The following PNPLA3 variants were observed in gnomAD, a reference collection of about 807,000 sequenced individuals.
PNPLA3 encodes 1-acylglycerol-3-phosphate O-acyltransferase PNPLA3.
In PNPLA3, 42 loss-of-function variants were observed where a neutral mutation model predicts 43.1. The ratio of observed to expected loss-of-function variants is 0.97; its 90% CI spans 0.76 to 1.26. The LOEUF (loss-of-function observed/expected upper bound fraction) is 1.26. PNPLA3 is among the 50% of genes most tolerant of loss of function. The pLI is 0.00. For synonymous variants in PNPLA3, 272 were observed against 253.6 expected (o/e 1.07, Z -0.69); for missense variants, 647 against 621.4 (o/e 1.04, Z -0.44).
Position 43,927,080 on chromosome 22 carries a change from C to T in PNPLA3, c.333C>T (p.Ser111=), listed in dbSNP as rs749684264. 5.8e-5 allele frequency: 94 copies of T among 1,614,116 alleles called. No homozygotes were observed. The highest frequency in any genetic ancestry group is 1.6e-4 in the Middle Eastern group (1 of 6,084). ...CGGCCAATGTCCACCAGCTCATCTCCGGCAAAATAGGCATCTCTCTTACCA... is the reference window on the plus strand; with the variant it reads ...CGGCCAATGTCCACCAGCTCATCTCTGGCAAAATAGGCATCTCTCTTACCA... ...CLPANVHQLI[S]GKIGISLTRV... is the part of the protein sequence containing the mutation. The change falls in exon 2 of 9, where the codon TCC becomes TCT. Residue 111 remains serine, a synonymous_variant. Transcript: ENST00000216180.
chr22:43,946,127 TAA>T, intron 8 of PNPLA3, 25 bp from the exon 9 acceptor site: 1 of 1,607,502 alleles, frequency 6.2e-7, no homozygotes, highest in Non-Finnish European at 8.5e-7. Flanking sequence ...GAACGGCCTC[TAA>T]GCCAACTTCC....
intron 6 of PNPLA3, chr22:43,939,362 T>C: frequency 1.0e-6 from 1 of 975,730 alleles, no homozygotes; most frequent in Non-Finnish European, 1.2e-6. Context: ...GGACATGTCT[T>C]TTCAAGGAAA....
intron 7 of PNPLA3, 93 bp downstream of exon 7, chr22:43,940,218 T>C (rs1010023): frequency 0.19 from 269,098 of 1,409,400 alleles, 29,535 homozygotes; most frequent in Admixed American, 0.45. Flanking sequence ...GTCTGGGACC[T>C]GGATTGTCGT....
At chr22:43,937,805 G>A (rs1041993048) in intron 6 of PNPLA3, among the ~76,000 whole-genome samples, 1 of 152,144 alleles carries the variant, frequency 6.6e-6, no homozygotes, top group African/African-American at 2.4e-5. Flanking sequence ...TCCATCGAAT[G>A]GTGCTGTATT....
intron 3 of PNPLA3, among the ~76,000 whole-genome samples, chr22:43,929,495 AG>A (rs1454073500): frequency 6.6e-6 from 1 of 151,016 alleles, no homozygotes; most frequent in African/African-American, 2.4e-5. Context: ...AAAAAAAAAA[AG>A]GTAAATAAAG....
At chr22:43,927,676 G>GGGA (rs1569009410) in intron 2 of PNPLA3, among the ~76,000 whole-genome samples, 1 of 131,362 alleles carries the variant, frequency 7.6e-6, no homozygotes, top group African/African-American at 2.7e-5. Flanking sequence ...GGGGGGCGGG[G>GGGA]TACAGAGTCT....
At chr22:43,924,222 G>T (rs2049906317) in intron 1 of PNPLA3, 124 bp downstream of exon 1, 8 of 1,163,246 alleles carry the variant, frequency 6.9e-6, no homozygotes, top group Admixed American at 4.0e-5. Context: ...ACACGGCGGG[G>T]TGCATCCCGA....
At position 43,946,170 on chromosome 22, in the gene PNPLA3, A is replaced by T; in HGVS notation, c.1234A>T (p.Ser412Cys). The T allele has an allele frequency of 6.2e-7, 1 of 1,613,126 alleles. No homozygotes were observed. ...GTGTTTCAGGTCCCAAATGCCAGTG[A>T]GCAGCCAACAGGCCTCCCCATGCAC... ...LPASRSQMPV[S>C]SQQASPCTPE... Residue 412 changes from serine to cysteine, a missense_variant, in exon 9 of 9, where the codon AGC becomes TGC. Physicochemically the swap from Ser to Cys is moderately radical, Grantham distance 112. Transcript: ENST00000216180.
chr22:43,939,359 T>G, intron 6 of PNPLA3: 1 of 972,626 alleles, frequency 1.0e-6, no homozygotes, highest in African/African-American at 1.8e-5. Flanking sequence ...AATGGACATG[T>G]CTTTTCAAGG....
intron 3 of PNPLA3, among the ~76,000 whole-genome samples, chr22:43,930,317 T>C (rs747095065): frequency 2.6e-5 from 4 of 152,184 alleles, no homozygotes; most frequent in Non-Finnish European, 5.9e-5. Flanking sequence ...CTTGGTTCAC[T>C]GCAGGGCGGC....
In PNPLA3 at chr22:43,930,739, G is replaced by A. The variant is rs545237562; in HGVS notation, c.486+1850G>A. Among the ~76,000 whole-genome samples, 62 of 152,338 alleles carry A rather than the reference G, an allele frequency of 4.1e-4. 1 individual carries two copies. In the South Asian group the frequency reaches 0.011, roughly 27 times the overall value. Reference sequence around the variant, plus strand: ...GCCATGCCAGGGGGATGGAGAAGCCGAAGCAGGAGTGTTTGTTCTGCAGGC... The same window carrying A: ...GCCATGCCAGGGGGATGGAGAAGCCAAAGCAGGAGTGTTTGTTCTGCAGGC... On this transcript the variant is annotated intron_variant, in intron 3 of 8. Transcript: ENST00000216180.
At position 43,923,929 on chromosome 22, in the gene PNPLA3, C is replaced by T; in HGVS notation, c.18C>T (p.Arg6=). Reference sequence around the variant, plus strand: ...CCGCCGCCATGTACGACGCAGAGCGCGGCTGGAGCTTGTCCTTCGCGGGCT... The same window carrying T: ...CCGCCGCCATGTACGACGCAGAGCGTGGCTGGAGCTTGTCCTTCGCGGGCT... MYDAE[R]GWSLSFAGCG... is the part of the protein sequence containing the mutation. The change falls in exon 1 of 9, where the codon CGC becomes CGT. Residue 6 remains arginine, a synonymous_variant. Transcript: ENST00000216180. The T allele has an allele frequency of 6.4e-7, 1 of 1,574,342 alleles. No homozygotes were observed. The highest frequency in any genetic ancestry group is 8.6e-7 in the Non-Finnish European group (1 of 1,168,982).
At chr22:43,928,010 C>T (rs2049936266) in intron 2 of PNPLA3, among the ~76,000 whole-genome samples, 1 of 152,186 alleles carries the variant, frequency 6.6e-6, no homozygotes, top group Non-Finnish European at 1.5e-5. Flanking sequence ...TCACTGGAAA[C>T]CCTACAAGGG....
chr22:43,936,407 C>A (rs1428694461), intron 5 of PNPLA3, among the ~76,000 whole-genome samples: 1 of 152,082 alleles, frequency 6.6e-6, no homozygotes, highest in Non-Finnish European at 1.5e-5. Flanking sequence ...TGTCTGAAGT[C>A]CCCCTCCCCC....
At chr22:43,924,450 G>C (rs974011490) in intron 1 of PNPLA3, 1 of 263,774 alleles carries the variant, frequency 3.8e-6, no homozygotes, top group Non-Finnish European at 7.2e-6. Context: ...GACCCGGGGC[G>C]GAGGGTAGTG....
chr22:43,939,414 T>C, intron 6 of PNPLA3: 1 of 980,708 alleles, frequency 1.0e-6, no homozygotes, highest in Admixed American at 6.1e-5. Flanking sequence ...CAAACATATT[T>C]GTCAATTTAA....
intron 5 of PNPLA3, among the ~76,000 whole-genome samples, chr22:43,935,664 G>A (rs1039589341): frequency 1.3e-5 from 2 of 152,102 alleles, no homozygotes; most frequent in East Asian, 3.9e-4. Context: ...GCAACTGGAG[G>A]GGTGGGGATG....
chr22:43,944,741 G>C lies in PNPLA3; in HGVS notation c.1163G>C (p.Trp388Ser). The change falls in exon 8 of 9, where the codon TGG becomes TCG. Residue 388 changes from tryptophan to serine, a missense_variant. Coordinates refer to ENST00000216180, the MANE Select transcript of PNPLA3 (RefSeq NM_025225.3). ...DMPDDVLWLQ[W>S]VTSQVFTRVL... ...CCCGACGATGTCCTGTGGTTGCAGT[G>C]GGTGACCTCACAGGTGTTCACTCGA... The C allele has an allele frequency of 6.2e-7, 1 of 1,614,180 alleles. No individual in the cohort carries two copies. The highest frequency in any genetic ancestry group is 8.5e-7 in the Non-Finnish European group (1 of 1,180,022).
At chr22:43,928,328 G>T (rs572986659) in intron 2 of PNPLA3, among the ~76,000 whole-genome samples, 1 of 152,218 alleles carries the variant, frequency 6.6e-6, no homozygotes, top group African/African-American at 2.4e-5. Context: ...ACAGTGCTTC[G>T]CAAAGTGTGA....
Sources: allele counts gnomAD v4.1 joint callset (sites outside exome capture counted in the v4.1 genomes callset), GRCh38; gene constraint gnomAD v4.1.1; transcripts MANE v1.5; gene names NCBI Gene and HGNC (gene_info 2026-07-23, HGNC 2026-07-21).